The following GCC2 variants were observed in gnomAD, a reference collection of about 807,000 sequenced individuals.
GCC2 encodes GRIP and coiled-coil domain containing 2.
GCC2 carries 120 observed loss-of-function variants against 210.6 expected under a neutral mutation model. That is an observed-to-expected ratio of 0.57 (90% CI 0.49 to 0.66). The LOEUF (loss-of-function observed/expected upper bound fraction) is 0.66. GCC2 is among the 30% of genes least tolerant of loss of function. The pLI, the probability that GCC2 is intolerant of heterozygous loss-of-function variation, is 0.00. For missense variants in GCC2, 1,868 were observed against 1,871.9 expected (o/e 1.00, Z 0.04); for synonymous variants, 703 against 652.7 (o/e 1.08, Z -1.17).
At chr2:108,493,742 G>C in intron 19 of GCC2, 1 of 985,232 alleles carries the variant, frequency 1.0e-6, no homozygotes, top group Middle Eastern at 5.2e-4. Flanking sequence ...CACTTATTAG[G>C]GTAAAAAAGC....
At chr2:108,502,225 A>G (rs557622042) in intron 22 of GCC2, among the ~76,000 whole-genome samples, 6 of 152,200 alleles carry the variant, frequency 3.9e-5, no homozygotes, top group East Asian at 1.9e-4. Context: ...AAAGTTTTCA[A>G]TAGCTTTCAA....
chr2:108,460,157 T>C (rs921362914), intron 4 of GCC2, among the ~76,000 whole-genome samples: 1 of 152,294 alleles, frequency 6.6e-6, no homozygotes, highest in Non-Finnish European at 1.5e-5. Context: ...GGCCACTAAA[T>C]AGATTTTCTA....
chr2:108,472,787 T>A (rs1681305138), intron 6 of GCC2, 40 bp from the exon 7 acceptor site: 4 of 1,159,682 alleles, frequency 3.4e-6, no homozygotes, highest in Non-Finnish European at 5.1e-6. Flanking sequence ...ATTCTGGTTT[T>A]TGTTTTGTTT....
chr2:108,489,811 T>A lies in GCC2; in HGVS notation c.4053-27T>A, dbSNP rs949402890. On this transcript the variant is annotated intron_variant, in intron 17 of 22. Transcript: ENST00000309863. ...AATCAAATTCACCTTTTTCAAAAAA[T>A]TTTAAAACTGTGTATTTCTGTTTTA... 2.6e-6 allele frequency: 4 copies of A among 1,540,480 alleles called. No homozygotes were observed. In the African/African-American group the frequency reaches 4.1e-5, roughly 16 times the overall value.
chr2:108,474,051 G>A lies in GCC2; in HGVS notation c.2860+1152G>A, dbSNP rs576093947. On this transcript the variant is annotated intron_variant, in intron 7 of 22. Transcript: ENST00000309863. ...CGGGCGCTTGTAGTCACAGCTACTC[G>A]GGAGGCTGAGGCAGGAATATGGCAT... 3.9e-5 allele frequency among the ~76,000 whole-genome samples: 6 copies of A among 151,948 alleles called. No individual in the cohort carries two copies. The South Asian group carries it at 6.3e-4, about 16-fold the overall frequency.
At chr2:108,469,521 A>G in intron 5 of GCC2, 130 bp from the exon 6 acceptor site, 1 of 622,636 alleles carries the variant, frequency 1.6e-6, no homozygotes, top group Non-Finnish European at 2.8e-6. Context: ...TATCAGTATC[A>G]TGTTTCTCCA....
intron 22 of GCC2, among the ~76,000 whole-genome samples, chr2:108,507,269 T>A (rs1302448928): frequency 4.0e-5 from 6 of 151,850 alleles, no homozygotes; most frequent in Non-Finnish European, 5.9e-5. Flanking sequence ...GGCACACACC[T>A]TGTGGTCCCA....
intron 4 of GCC2, among the ~76,000 whole-genome samples, chr2:108,466,433 G>A (rs949814174): frequency 6.6e-6 from 1 of 151,868 alleles, no homozygotes; most frequent in African/African-American, 2.4e-5. Flanking sequence ...TGTTTGTGTG[G>A]TAAATATCTT....
chr2:108,477,647 T>C (rs1337949649), intron 9 of GCC2, among the ~76,000 whole-genome samples: 1 of 152,246 alleles, frequency 6.6e-6, no homozygotes, highest in Non-Finnish European at 1.5e-5. Flanking sequence ...AAATGTATTC[T>C]GGATGGATTA....
intron 22 of GCC2, among the ~76,000 whole-genome samples, chr2:108,500,044 T>G (rs1469814245): frequency 6.6e-6 from 1 of 152,184 alleles, no homozygotes; most frequent in Non-Finnish European, 1.5e-5. Context: ...GGTGTTCAGC[T>G]GAACGTGGTT....
At chr2:108,456,274 C>T (rs770589249) in intron 4 of GCC2, among the ~76,000 whole-genome samples, 13 of 151,824 alleles carry the variant, frequency 8.6e-5, no homozygotes, top group East Asian at 5.9e-4. Flanking sequence ...CGTGAGCCAC[C>T]GCTCCTGGCC....
intron 4 of GCC2, among the ~76,000 whole-genome samples, chr2:108,458,430 A>C (rs2683803): frequency 0.22 from 30,273 of 138,840 alleles, 3,581 homozygotes; most frequent in African/African-American, 0.32. Flanking sequence ...TCAGGGTAGC[A>C]CCAGCTTTCT....
rs151083857 is a variant in GCC2 at position 108,479,556 on chromosome 2, G to A, written c.3061-2141G>A. On this transcript the variant is annotated intron_variant, in intron 9 of 22. Transcript: ENST00000309863. ...CTTGGGAGGCTGAGGGAGGAGAATCGCTTGAACCCAGGAGACAGAGGTTAC... is the reference window on the plus strand; with the variant it reads ...CTTGGGAGGCTGAGGGAGGAGAATCACTTGAACCCAGGAGACAGAGGTTAC... 1.2e-3 allele frequency among the ~76,000 whole-genome samples: 180 copies of A among 152,038 alleles called. 1 individual carries two copies. Among genetic ancestry groups the A allele is most frequent in the African/African-American group, 4.1e-3 (170 of 41,454 alleles).
At chr2:108,458,199 C>T (rs1027117288) in intron 4 of GCC2, among the ~76,000 whole-genome samples, 2 of 151,924 alleles carry the variant, frequency 1.3e-5, no homozygotes, top group East Asian at 3.9e-4. Context: ...GCCCTTTATT[C>T]TGTTGATGTG....
chr2:108,460,467 C>G (rs1460062353), intron 4 of GCC2, among the ~76,000 whole-genome samples: 1 of 152,034 alleles, frequency 6.6e-6, no homozygotes, highest in African/African-American at 2.4e-5. Context: ...GGTTTGCTGT[C>G]TTTTTATGGT....
intron 4 of GCC2, among the ~76,000 whole-genome samples, chr2:108,466,351 T>A (rs1376328736): frequency 1.3e-5 from 2 of 151,982 alleles, no homozygotes; most frequent in Non-Finnish European, 2.9e-5. Flanking sequence ...AACATCCATT[T>A]TCTTAATGGG....
intron 1 of GCC2, 62 bp from the exon 2 acceptor site, chr2:108,449,571 G>A: frequency 6.8e-7 from 1 of 1,470,014 alleles, no homozygotes; most frequent in Non-Finnish European, 9.5e-7. Flanking sequence ...AGGGTTCTAC[G>A]CGTTCCGTGT....
intron 4 of GCC2, among the ~76,000 whole-genome samples, chr2:108,458,741 A>G (rs749430616): frequency 5.9e-5 from 9 of 151,766 alleles, no homozygotes; most frequent in Non-Finnish European, 1.0e-4. Flanking sequence ...CTGATGGTCT[A>G]TTTATTTCTA....
At chr2:108,501,917 A>G (rs2104515835) in intron 22 of GCC2, among the ~76,000 whole-genome samples, 1 of 152,294 alleles carries the variant, frequency 6.6e-6, no homozygotes, top group East Asian at 1.9e-4. Context: ...ACTGACAGTA[A>G]TCTCAGTTCT....
Sources: gnomAD v4.1 joint callset for allele counts (sites outside exome capture counted in the v4.1 genomes callset) on GRCh38, gnomAD v4.1.1 for gene constraint, MANE v1.5 for transcripts, NCBI Gene and HGNC (gene_info 2026-07-23, HGNC 2026-07-21) for gene names.